The following DPY30 variants were observed in gnomAD, a reference collection of about 807,000 sequenced individuals.
The protein encoded by DPY30 is protein dpy-30 homolog.
A neutral mutation model predicts 16.2 loss-of-function variants in DPY30; 6 were observed. The ratio of observed to expected loss-of-function variants is 0.37; its 90% CI spans 0.20 to 0.73. The LOEUF is 0.73. DPY30 is among the 30% of genes least tolerant of loss of function. DPY30 has a pLI of 0.51. For synonymous variants in DPY30, 39 were observed against 38.8 expected (o/e 1.00, Z -0.02); for missense variants, 73 against 113.1 (o/e 0.65, Z 1.61).
At chr2:32,012,318 T>C (rs1674956797) in intron 5 of DPY30, among the ~76,000 whole-genome samples, 2 of 151,870 alleles carry the variant, frequency 1.3e-5, no homozygotes. Flanking sequence ...CACTGTATAT[T>C]TGTTTACTCA....
downstream of DPY30, among the ~76,000 whole-genome samples, chr2:32,019,692 C>G (rs1285767837): frequency 1.3e-5 from 2 of 150,170 alleles, no homozygotes; most frequent in East Asian, 3.9e-4. Flanking sequence ...TGGTGGTGTG[C>G]GCCTGTAATC....
At chr2:32,015,891 G>C (rs1422487235) in intron 5 of DPY30, among the ~76,000 whole-genome samples, 2 of 151,128 alleles carry the variant, frequency 1.3e-5, no homozygotes, top group African/African-American at 2.4e-5. Context: ...GTTAAAGACT[G>C]CCAAGGTTGA....
chr2:32,036,409 C>T lies in DPY30; in HGVS notation c.84+2870G>A, dbSNP rs538120508. ...AAAACTGGCTGGGCGCGGTGGCTCA[C>T]GCCTGTAATCCCAGCACTTTGGGAG... On this transcript the variant is annotated intron_variant, in intron 3 of 4. Coordinates refer to ENST00000342166, the MANE Select transcript of DPY30 (RefSeq NM_001321209.2). 1.1e-4 allele frequency among the ~76,000 whole-genome samples: 16 copies of T among 152,188 alleles called. No individual in the cohort carries two copies. In the East Asian group the frequency reaches 3.1e-3, roughly 29 times the overall value.
At chr2:32,026,432 A>T (rs1296640826) in intron 4 of DPY30, among the ~76,000 whole-genome samples, 3 of 152,044 alleles carry the variant, frequency 2.0e-5, no homozygotes, top group Admixed American at 6.6e-5. Flanking sequence ...AATAAAAAAA[A>T]TTTTTTAAAT....
intron 3 of DPY30, among the ~76,000 whole-genome samples, chr2:32,033,996 C>T (rs1232076311): frequency 6.6e-6 from 1 of 151,750 alleles, no homozygotes; most frequent in Non-Finnish European, 1.5e-5. Flanking sequence ...GGAGAGAGAA[C>T]TTGAACAGAG....
chr2:32,020,705 TTAAA>T (rs1337615936), downstream of DPY30, among the ~76,000 whole-genome samples: 2 of 152,038 alleles, frequency 1.3e-5, no homozygotes, highest in Non-Finnish European at 2.9e-5. Flanking sequence ...TTAAATAAAA[TTAAA>T]TAGGGATAAA....
At chr2:32,012,453 CAG>C (rs1347279409) in intron 5 of DPY30, among the ~76,000 whole-genome samples, 1 of 87,398 alleles carries the variant, frequency 1.1e-5, no homozygotes, top group Non-Finnish European at 2.1e-5. Context: ...TTTTTTGAGA[CAG>C]AGTCTTGCTC....
At chr2:32,026,085 G>T (rs1456136677) in intron 4 of DPY30, among the ~76,000 whole-genome samples, 1 of 151,860 alleles carries the variant, frequency 6.6e-6, no homozygotes, top group Non-Finnish European at 1.5e-5. Context: ...TCCAGCTGGG[G>T]CAACAGAGCA....
Position 32,024,265 on chromosome 2 carries a change from G to A in DPY30, c.228-9C>T, listed in dbSNP as rs765376363. ...CAATGGGATTTGGTGGTCTGTAAGGGAAAAGAAATCCAAAGTTTAGAAATA... is the reference window on the plus strand; with the variant it reads ...CAATGGGATTTGGTGGTCTGTAAGGAAAAAGAAATCCAAAGTTTAGAAATA... On this transcript the variant is annotated splice_polypyrimidine_tract_variant and intron_variant, in intron 4 of 4. Coordinates refer to ENST00000342166, the MANE Select transcript of DPY30 (RefSeq NM_001321209.2). 63 of 1,582,174 alleles carry A rather than the reference G, an allele frequency of 4.0e-5. No homozygotes were observed. The highest frequency in any genetic ancestry group is 3.2e-4 in the Admixed American group (19 of 59,106).
chr2:32,023,732 A>G, downstream of DPY30: 2 of 1,304,510 alleles, frequency 1.5e-6, no homozygotes, highest in Non-Finnish European at 1.0e-6. Context: ...AGAAAGGTCC[A>G]GAAACAATGC....
At chr2:32,020,747 G>T (rs1418970567), downstream of DPY30, among the ~76,000 whole-genome samples, 1 of 152,004 alleles carries the variant, frequency 6.6e-6, no homozygotes, top group South Asian at 2.1e-4. Flanking sequence ...CACCTCACAG[G>T]TTCAAGGATT....
chr2:32,017,803 T>C (rs1346481602), intron 5 of DPY30, among the ~76,000 whole-genome samples: 1 of 152,132 alleles, frequency 6.6e-6, no homozygotes, highest in African/African-American at 2.4e-5. Flanking sequence ...ACAAAAGGTG[T>C]GCTATGGTCT....
intron 3 of DPY30, among the ~76,000 whole-genome samples, chr2:32,030,071 A>T (rs1675475437): frequency 6.7e-6 from 1 of 149,112 alleles, no homozygotes; most frequent in Non-Finnish European, 1.5e-5. Context: ...TCCCAAAAAA[A>T]AAAAAAAAAA....
At chr2:32,013,820 C>T (rs761383876) in intron 5 of DPY30, among the ~76,000 whole-genome samples, 2 of 151,918 alleles carry the variant, frequency 1.3e-5, no homozygotes, top group African/African-American at 2.4e-5. Context: ...CCAGCCTGGC[C>T]AAAAGGGCAA....
intron 3 of DPY30, among the ~76,000 whole-genome samples, chr2:32,030,503 G>A (rs887332534): frequency 3.9e-5 from 6 of 151,960 alleles, no homozygotes; most frequent in South Asian, 2.1e-4. Context: ...GGTGGCAGGC[G>A]CCTGTAGTCC....
intron 4 of DPY30, among the ~76,000 whole-genome samples, chr2:32,025,510 C>A (rs548565445): frequency 6.6e-6 from 1 of 151,932 alleles, no homozygotes; most frequent in South Asian, 2.1e-4. Flanking sequence ...TGCCTGTAAT[C>A]CTGGCACTTT....
intron 3 of DPY30, 80 bp from the exon 4 acceptor site, chr2:32,029,816 A>T: frequency 6.7e-7 from 1 of 1,499,208 alleles, no homozygotes; most frequent in Non-Finnish European, 9.2e-7. Context: ...TAATGGAAAT[A>T]TGACACTAAT....
intron 3 of DPY30, among the ~76,000 whole-genome samples, chr2:32,030,128 G>A (rs1473859332): frequency 6.6e-6 from 1 of 151,486 alleles, no homozygotes; most frequent in Non-Finnish European, 1.5e-5. Context: ...TAAGAAAGCT[G>A]GTCACATCAG....
intron 3 of DPY30, among the ~76,000 whole-genome samples, chr2:32,036,414 G>A (rs867491741): frequency 2.0e-5 from 3 of 152,124 alleles, no homozygotes; most frequent in South Asian, 2.1e-4. Context: ...GCTCACGCCT[G>A]TAATCCCAGC....
Sources: gnomAD v4.1 joint callset for allele counts (sites outside exome capture counted in the v4.1 genomes callset) on GRCh38, gnomAD v4.1.1 for gene constraint, MANE v1.5 for transcripts, NCBI Gene and HGNC (gene_info 2026-07-23, HGNC 2026-07-21) for gene names.